SPAG16: variants seen among roughly 807,000 people sequenced by gnomAD.
The protein encoded by SPAG16 is sperm associated antigen 16, also known as sperm-associated antigen 16 protein.
A neutral mutation model predicts 80.4 loss-of-function variants in SPAG16; 86 were observed. That is an observed-to-expected ratio of 1.07 (90% CI 0.90 to 1.28). SPAG16 has a LOEUF of 1.28. SPAG16 is among the 50% of genes most tolerant of loss of function. SPAG16 has a pLI of 0.00. For synonymous variants in SPAG16, 294 were observed against 265.9 expected, an observed-to-expected ratio of 1.11 and a Z score of -1.03; for missense variants, 870 against 765.3, an observed-to-expected ratio of 1.14 and a Z score of -1.61.
chr2:213,573,757 GT>G (rs1486094733), intron 10 of SPAG16, among the ~76,000 whole-genome samples: 1 of 152,056 alleles, frequency 6.6e-6, no homozygotes, highest in African/African-American at 2.4e-5. Flanking sequence ...GTGAATATTT[GT>G]TTTGCTGGTA....
At position 213,741,785 on chromosome 2, in the gene SPAG16, A is replaced by G. The variant is rs570483594; in HGVS notation, c.1071-120700A>G. Among the ~76,000 whole-genome samples, 266 of 152,304 alleles carry G rather than the reference A, an allele frequency of 1.7e-3. 5 individuals carry two copies. The highest frequency in any genetic ancestry group is 4.8e-3 in the South Asian group (23 of 4,832). On this transcript the variant is annotated intron_variant, in intron 10 of 15. Transcript: ENST00000331683. The stretch of plus-strand genomic sequence containing the variant: ...TCAGCTTTATAAATTTAGAGATTAT[A>G]TTATTAACTCAAATTGGATTTGCAA...
chr2:214,073,236 T>A (rs1161840573), intron 13 of SPAG16, among the ~76,000 whole-genome samples: 1 of 151,738 alleles, frequency 6.6e-6, no homozygotes, highest in Non-Finnish European at 1.5e-5. Context: ...TTTTTTCTTT[T>A]TTTTTTTTTC....
At chr2:213,464,108 A>T (rs2072538430) in intron 9 of SPAG16, among the ~76,000 whole-genome samples, 1 of 152,210 alleles carries the variant, frequency 6.6e-6, no homozygotes, top group African/African-American at 2.4e-5. Flanking sequence ...TGGGCCAAAG[A>T]ACTTACATGG....
chr2:214,187,887 A>C, intron 15 of SPAG16, among the ~76,000 whole-genome samples: 1 of 152,078 alleles, frequency 6.6e-6, no homozygotes, highest in East Asian at 1.9e-4. Flanking sequence ...ACTTTGAGCT[A>C]TTCTCTCTAG....
chr2:213,685,532 C>T (rs961357949), intron 10 of SPAG16, among the ~76,000 whole-genome samples: 2 of 152,202 alleles, frequency 1.3e-5, no homozygotes, highest in Non-Finnish European at 2.9e-5. Context: ...CTGTTGTTAT[C>T]AGTCACTCAG....
intron 10 of SPAG16, among the ~76,000 whole-genome samples, chr2:213,731,618 T>G (rs1259812990): frequency 6.6e-6 from 1 of 152,120 alleles, no homozygotes. Context: ...CTCTTCTTCC[T>G]GATCCTGCCC....
At chr2:214,077,248 G>A (rs149035642) in intron 13 of SPAG16, among the ~76,000 whole-genome samples, 12 of 152,268 alleles carry the variant, frequency 7.9e-5, no homozygotes, top group African/African-American at 2.9e-4. Flanking sequence ...CTGGAGCCAG[G>A]AATGAGAAGC....
intron 15 of SPAG16, among the ~76,000 whole-genome samples, chr2:214,354,940 T>C (rs1438356363): frequency 1.3e-5 from 2 of 152,116 alleles, no homozygotes; most frequent in African/African-American, 4.8e-5. Context: ...TCATGTCATC[T>C]GCAAACAGGG....
At chr2:213,422,153 G>C (rs774534493) in intron 9 of SPAG16, 1 of 699,278 alleles carries the variant, frequency 1.4e-6, no homozygotes, top group Middle Eastern at 3.6e-4. Context: ...GAGAAGGAGA[G>C]AAGAGCTGTG....
chr2:213,853,489 G>T (rs556050982), intron 10 of SPAG16, among the ~76,000 whole-genome samples: 2 of 152,240 alleles, frequency 1.3e-5, no homozygotes, highest in Admixed American at 1.3e-4. Flanking sequence ...TATGTAACAT[G>T]CCTGGTATAT....
At chr2:213,700,218 T>TAA (rs1198236869) in intron 10 of SPAG16, among the ~76,000 whole-genome samples, 1 of 141,892 alleles carries the variant, frequency 7.0e-6, no homozygotes, top group African/African-American at 2.6e-5. Flanking sequence ...TTTTGACTGC[T>TAA]AAAAAAAAAA....
intron 12 of SPAG16, among the ~76,000 whole-genome samples, chr2:214,009,567 A>G (rs1217627467): frequency 6.6e-6 from 1 of 152,198 alleles, no homozygotes; most frequent in African/African-American, 2.4e-5. Context: ...GTTAGATAAA[A>G]GAGATAAAGC....
intron 10 of SPAG16, among the ~76,000 whole-genome samples, chr2:213,701,245 AT>A (rs1440023619): frequency 1.2e-4 from 7 of 58,450 alleles, no homozygotes; most frequent in African/African-American, 1.7e-4. Context: ...ATCTAAAAAA[AT>A]AAATAAATAA....
At chr2:214,377,577 C>A (rs1470674422) in intron 15 of SPAG16, among the ~76,000 whole-genome samples, 1 of 152,164 alleles carries the variant, frequency 6.6e-6, no homozygotes, top group Non-Finnish European at 1.5e-5. Context: ...GGACATATAA[C>A]ATACAAAATA....
intron 9 of SPAG16, among the ~76,000 whole-genome samples, chr2:213,404,559 A>G (rs1018080649): frequency 6.6e-6 from 1 of 152,096 alleles, no homozygotes; most frequent in Non-Finnish European, 1.5e-5. Context: ...AAATTAATTC[A>G]AGATGGATTA....
chr2:214,369,520 C>T (rs1050085403), intron 15 of SPAG16, among the ~76,000 whole-genome samples: 2 of 152,064 alleles, frequency 1.3e-5, no homozygotes, highest in Admixed American at 6.6e-5. Flanking sequence ...GGTCTGTAAC[C>T]TACTCACATT....
At chr2:213,833,828 TA>T (rs938735506) in intron 10 of SPAG16, among the ~76,000 whole-genome samples, 2 of 151,056 alleles carry the variant, frequency 1.3e-5, no homozygotes, top group African/African-American at 4.9e-5. Context: ...TCAGACCCAT[TA>T]GTTATATGGG....
rs1553706252 is a variant in SPAG16, at chr2:214,059,260, G to GTGTA, written c.1527+45184_1527+45185insGTAT. Among the ~76,000 whole-genome samples, 131 of 132,986 alleles carry GTGTA rather than the reference G, an allele frequency of 9.9e-4. 3 individuals are homozygous for GTGTA. Among genetic ancestry groups the GTGTA allele is most frequent in the East Asian group, 6.1e-3 (27 of 4,450 alleles). 87.2% of individuals were successfully genotyped at this position (132,986 alleles called of 152,430 possible). A position where few individuals can be genotyped will look rare whatever the true frequency, so the allele number is the denominator to read the frequency against. Reference sequence around the variant, plus strand: ...TATATATGTATGTATATATATGTATGTATATATATATATATAATCAAGAAT... The same window carrying GTGTA: ...TATATATGTATGTATATATATGTATGTGTATATATATATATATATAATCAAGAAT... On this transcript the variant is annotated intron_variant, in intron 13 of 15. Coordinates refer to ENST00000331683, the MANE Select transcript of SPAG16 (RefSeq NM_024532.5).
rs1262976524 is a variant in SPAG16, at chr2:214,221,861, G to C, written c.1720+72595G>C. Among the ~76,000 whole-genome samples, 3 of 151,912 alleles carry C rather than the reference G, an allele frequency of 2.0e-5. No homozygotes were observed. The South Asian group carries it at 6.2e-4, about 32-fold the overall frequency. ...TTGGTTTTGATGAGTGTAGTAGCAT[G>C]ATATTTTTTAGAATGTTTTATTACA... On this transcript the variant is annotated intron_variant, in intron 15 of 15. Transcript: ENST00000331683.
Sources: gnomAD v4.1 joint callset for allele counts (sites outside exome capture counted in the v4.1 genomes callset) on GRCh38, gnomAD v4.1.1 for gene constraint, MANE v1.5 for transcripts, NCBI Gene and HGNC (gene_info 2026-07-23, HGNC 2026-07-21) for gene names.